Variants in DGKK observed in about 807,000 individuals in gnomAD.
DGKK encodes the protein diacylglycerol kinase kappa.
In DGKK, 35 loss-of-function variants were observed where a neutral mutation model predicts 92.2. That is an observed-to-expected ratio of 0.38 (90% confidence interval 0.29 to 0.50). The LOEUF (loss-of-function observed/expected upper bound fraction) is 0.50, where lower values mean the gene tolerates loss of function less well. Ranked by LOEUF, DGKK falls within the 20% of genes least tolerant of loss-of-function variation. The probability of loss-of-function intolerance (pLI) is 0.92; values close to 1 mark genes in which losing one functional copy is unlikely to be tolerated. For missense variants in DGKK, 910 were observed against 992.2 expected (o/e 0.92, Z 1.11); for synonymous variants, 368 against 360.6 (o/e 1.02, Z -0.23).
chrX:50,384,061 C>CT (rs1377044415), intron 17 of DGKK, 107 bp downstream of exon 17: 2 of 436,044 alleles, frequency 4.6e-6, no homozygotes, highest in Non-Finnish European at 7.2e-6. Context: ...GCGTAGGTGA[C>CT]ACAGCTAGTA....
In DGKK at chrX:50,378,224, C is replaced by T; in HGVS notation, c.2985G>A (p.Glu995=). ...LHHHRIAQCH[E]VMITIDGEEG... ...CTTCACCATCAATGGTTATCATCAC[C>T]TCATGGCACTGCCAGAGAAAATGAG... The change falls in exon 22 of 28, where the codon GAG becomes GAA. Residue 995 remains glutamate, a synonymous_variant. Transcript: ENST00000611977. 1.7e-6 allele frequency: 2 copies of T among 1,208,474 alleles called. No individual in the cohort carries two copies. Among genetic ancestry groups the T allele is most frequent in the Non-Finnish European group, 2.2e-6 (2 of 894,227 alleles).
At chrX:50,466,346 A>G (rs1926910488) in intron 1 of DGKK, among the ~76,000 whole-genome samples, 1 of 111,547 alleles carries the variant, frequency 9.0e-6, no homozygotes. Flanking sequence ...GTTTACAGTC[A>G]CTGCAGATAC....
intron 27 of DGKK, 92 bp from the exon 28 acceptor site, chrX:50,369,111 T>C: frequency 1.5e-6 from 1 of 660,872 alleles, no homozygotes; most frequent in African/African-American, 2.1e-5. Flanking sequence ...AAAAAGTCTG[T>C]TAGAAGATAG....
intron 1 of DGKK, among the ~76,000 whole-genome samples, chrX:50,466,012 TTTTTC>T (rs1328864692): frequency 1.2e-3 from 76 of 63,380 alleles, no homozygotes; most frequent in Admixed American, 2.2e-3. Flanking sequence ...TTCTTTTTCT[TTTTTC>T]TTTTTTTTTT....
chrX:50,385,418 C>A (rs782649326), intron 15 of DGKK, among the ~76,000 whole-genome samples: 8 of 112,092 alleles, frequency 7.1e-5, no homozygotes, highest in Non-Finnish European at 1.3e-4. Context: ...CTCATAGCCA[C>A]AAGCTACACC....
chrX:50,463,998 A>G (rs1926828226), intron 1 of DGKK, among the ~76,000 whole-genome samples: 1 of 110,433 alleles, frequency 9.1e-6, no homozygotes, highest in Non-Finnish European at 1.9e-5. Flanking sequence ...ATGTTCCCTG[A>G]AAATATGTAC....
intron 18 of DGKK, among the ~76,000 whole-genome samples, chrX:50,380,834 A>G (rs1246040918): frequency 8.9e-6 from 1 of 111,927 alleles, no homozygotes; most frequent in Non-Finnish European, 1.9e-5. Flanking sequence ...AAATGTCAGA[A>G]GGCTAGCACA....
At chrX:50,388,389 G>A (rs1280333769) in intron 13 of DGKK, 138 bp downstream of exon 13, 6 of 471,861 alleles carry the variant, frequency 1.3e-5, no homozygotes, top group South Asian at 7.7e-5. Flanking sequence ...TTCCATTCAG[G>A]GGGTTTGAGT....
chrX:50,429,731 A>T (rs1303577748), intron 1 of DGKK, among the ~76,000 whole-genome samples: 1 of 112,544 alleles, frequency 8.9e-6, no homozygotes, highest in Admixed American at 9.3e-5. Flanking sequence ...ACTATTCCAT[A>T]CTAGAACTCT....
chrX:50,424,245 T>C lies in DGKK; in HGVS notation c.756+3A>G. 8.3e-7 allele frequency: 1 copy of C among 1,208,085 alleles called. No individual in the cohort carries two copies. Among genetic ancestry groups the C allele is most frequent in the Non-Finnish European group, 1.1e-6 (1 of 893,091 alleles). Reference sequence around the variant, plus strand: ...ATCTAGTTGACAATATGCTATACATTACCGCGGGATGGTGTGCAAAGTAGA... The same window carrying C: ...ATCTAGTTGACAATATGCTATACATCACCGCGGGATGGTGTGCAAAGTAGA... On this transcript the variant is annotated splice_donor_region_variant and intron_variant, in intron 2 of 27. Transcript: ENST00000611977.
At chrX:50,443,234 C>A in intron 1 of DGKK, among the ~76,000 whole-genome samples, 1 of 110,316 alleles carries the variant, frequency 9.1e-6, no homozygotes, top group Non-Finnish European at 1.9e-5. Context: ...GCTTGTTTGC[C>A]ACAACACACC....
intron 15 of DGKK, among the ~76,000 whole-genome samples, 155 bp downstream of exon 15, chrX:50,386,203 A>G (rs782224073): frequency 8.9e-6 from 1 of 111,826 alleles, no homozygotes; most frequent in East Asian, 2.8e-4. Flanking sequence ...TCAAATCAGT[A>G]GTCTGAATAC....
intron 1 of DGKK, among the ~76,000 whole-genome samples, chrX:50,461,778 T>C (rs1003229605): frequency 2.7e-5 from 3 of 112,375 alleles, no homozygotes; most frequent in Non-Finnish European, 5.6e-5. Context: ...GGTATCAGTT[T>C]ACGTTTTAAA....
chrX:50,401,268 C>A, intron 7 of DGKK, 129 bp from the exon 8 acceptor site: 1 of 604,969 alleles, frequency 1.7e-6, no homozygotes. Flanking sequence ...AGATTTGGTG[C>A]CATACATATA....
intron 3 of DGKK, among the ~76,000 whole-genome samples, chrX:50,421,587 C>T (rs1367501302): frequency 9.0e-6 from 1 of 111,720 alleles, no homozygotes; most frequent in Non-Finnish European, 1.9e-5. Context: ...ACCCTATAGG[C>T]TCATCACCCA....
Position 50,413,791 on chromosome X carries a change from G to A in DGKK, c.942+6612C>T, listed in dbSNP as rs1340371701. Among the ~76,000 whole-genome samples, 6 of 111,471 alleles carry A rather than the reference G, an allele frequency of 5.4e-5. No individual in the cohort carries two copies. The Admixed American group carries it at 5.7e-4, about 11-fold the overall frequency. ...AATTAATATAGCCATTATGGAAAAT[G>A]GTATAGGGGTTCCTCAAAAAACCTA... On this transcript the variant is annotated intron_variant, in intron 4 of 27. Coordinates refer to ENST00000611977, the MANE Select transcript of DGKK (RefSeq NM_001013742.4).
chrX:50,435,917 C>T (rs1557230719), intron 1 of DGKK, among the ~76,000 whole-genome samples: 1 of 111,673 alleles, frequency 9.0e-6, no homozygotes, highest in Non-Finnish European at 1.9e-5. Context: ...GGAGCCCTCA[C>T]TCAATTCCTA....
chrX:50,433,243 C>A (rs1241548529), intron 1 of DGKK, among the ~76,000 whole-genome samples: 1 of 111,933 alleles, frequency 8.9e-6, no homozygotes, highest in Non-Finnish European at 1.9e-5. Flanking sequence ...TCTGAGCTAA[C>A]CGTGACCTTA....
chrX:50,439,393 TA>T (rs782387932), intron 1 of DGKK, among the ~76,000 whole-genome samples: 10 of 111,695 alleles, frequency 9.0e-5, no homozygotes, highest in Admixed American at 2.8e-4. Flanking sequence ...ATTTTATCTG[TA>T]AAAATACACA....
Sources: allele counts gnomAD v4.1 joint callset (sites outside exome capture counted in the v4.1 genomes callset), GRCh38; gene constraint gnomAD v4.1.1; transcripts MANE v1.5; gene names NCBI Gene and HGNC (gene_info 2026-07-23, HGNC 2026-07-21).